The following CMYA5 variants were observed in gnomAD, a reference collection of about 807,000 sequenced individuals.
CMYA5 encodes cardiomyopathy-associated protein 5.
Under a neutral mutation model 318.9 loss-of-function variants are expected in CMYA5, and 246 were observed. That is an observed-to-expected ratio of 0.77 (90% confidence interval 0.70 to 0.86). The LOEUF is 0.86. Ranked by LOEUF, CMYA5 falls within the 40% of genes least tolerant of loss-of-function variation. The pLI is 0.00. For missense variants in CMYA5, 4,589 were observed against 4,678.2 expected, an observed-to-expected ratio of 0.98 and a Z score of 0.56; for synonymous variants, 1,641 against 1,729.5, an observed-to-expected ratio of 0.95 and a Z score of 1.27.
In CMYA5 at chr5:79,743,915, C is replaced by T. The variant is rs755722728; in HGVS notation, c.10727C>T (p.Thr3576Ile). 4 of 1,511,742 alleles carry T rather than the reference C, an allele frequency of 2.6e-6. No individual in the cohort carries two copies. In the South Asian group the frequency reaches 5.0e-5, roughly 19 times the overall value. 93.6% of individuals were successfully genotyped at this position (1,511,742 alleles called of 1,614,324 possible). A position where few individuals can be genotyped will look rare whatever the true frequency, so the allele number is the denominator to read the frequency against. Residue 3576 changes from threonine to isoleucine, a missense_variant, in exon 3 of 13, where the codon ACC (threonine) becomes ATC (isoleucine). Physicochemically the swap from Thr to Ile is moderately conservative, Grantham distance 89. This residue lies in a region of CMYA5 where 2,431 missense variants were observed against 2,495.1 expected (regional missense o/e 0.97). Transcript: ENST00000446378. ...AGTGAGATAGAATCCTTTTTTAATA[C>T]CATTGAGGTAAGTTAACACACCCAT... ...FVSEIESFFN[T>I]IEENCSKNEK...
intron 9 of CMYA5, among the ~76,000 whole-genome samples, chr5:79,765,128 C>T (rs925659852): frequency 2.6e-5 from 4 of 152,128 alleles, no homozygotes; most frequent in African/African-American, 4.8e-5. Context: ...TTAGGTCTTA[C>T]GTTTAAGTCT....
In CMYA5 at chr5:79,726,909, ATTTTTT is replaced by A. The variant is rs34198193; in HGVS notation, c.150-1988_150-1983del. On this transcript the variant is annotated intron_variant, in intron 1 of 12. Transcript: ENST00000446378. ...AGAGCTAGGATTGTTTAGGCCAGTGATTTTTTTTTTTTTTTTTTTTTTTGAGACGGA... is the reference window on the plus strand; with the variant it reads ...AGAGCTAGGATTGTTTAGGCCAGTGATTTTTTTTTTTTTTTTTGAGACGGA... Among the ~76,000 whole-genome samples the A allele has an allele frequency of 1.1e-3, 108 of 96,042 alleles. 3 individuals carry two copies. The highest frequency in any genetic ancestry group is 5.5e-3 in the African/African-American group (106 of 19,250). 63.0% of individuals were successfully genotyped at this position (96,042 alleles called of 152,430 possible).
At position 79,732,659 on chromosome 5, in the gene CMYA5, A is replaced by C. The variant is rs1580769105; in HGVS notation, c.3894A>C (p.Ala1298=). ...TSLSGPEALS[A]VKMEMKHDSK... Reference sequence around the variant, plus strand: ...TATCTGGACCTGAGGCTTTATCAGCAGTGAAAATGGAGATGAAACATGATT... The same window carrying C: ...TATCTGGACCTGAGGCTTTATCAGCCGTGAAAATGGAGATGAAACATGATT... Residue 1298 remains alanine (A), a synonymous_variant, in exon 2 of 13, where the codon GCA becomes GCC. Transcript: ENST00000446378. 1 of 1,613,544 alleles carries C rather than the reference A, an allele frequency of 6.2e-7. No individual in the cohort carries two copies. The highest frequency in any genetic ancestry group is 1.3e-5 in the African/African-American group (1 of 75,040).
chr5:79,752,873 C>T, intron 6 of CMYA5, 79 bp downstream of exon 6: 4 of 976,040 alleles, frequency 4.1e-6, no homozygotes, highest in South Asian at 1.5e-5. Context: ...ATGATATATA[C>T]AAAAGATTTT....
intron 1 of CMYA5, among the ~76,000 whole-genome samples, chr5:79,726,461 AG>A (rs1441933948): frequency 6.6e-6 from 1 of 152,240 alleles, no homozygotes; most frequent in African/African-American, 2.4e-5. Context: ...GATTCTGTTC[AG>A]GACCAAGATA....
rs1451994586 is a variant in CMYA5 at position 79,742,072 on chromosome 5, TTC to T, written c.10639-1753_10639-1752del. The stretch of plus-strand genomic sequence containing the variant: ...CCTCTTCTTCTTCTTCTTCTTCTTC[TTC>T]TTCTTCTTCTTCTTCTTCTTCTTCT... On this transcript the variant is annotated intron_variant, in intron 2 of 12. Transcript: ENST00000446378. Among the ~76,000 whole-genome samples the T allele has an allele frequency of 1.1e-3, 48 of 45,032 alleles. 3 individuals carry two copies. Among genetic ancestry groups the T allele is most frequent in the African/African-American group, 0.01 (42 of 4,022 alleles). The allele number at this position is 45,032 out of a possible 152,430, so 29.5% of individuals were successfully genotyped here.
intron 1 of CMYA5, among the ~76,000 whole-genome samples, chr5:79,715,153 T>C (rs1452067768): frequency 3.9e-5 from 6 of 152,162 alleles, no homozygotes; most frequent in African/African-American, 1.4e-4. Context: ...TAGAACAGTG[T>C]GGTCCATGGT....
chr5:79,704,925 C>G (rs976311395), intron 1 of CMYA5, among the ~76,000 whole-genome samples: 5 of 152,182 alleles, frequency 3.3e-5, no homozygotes, highest in Non-Finnish European at 5.9e-5. Context: ...AGAGTTTGTT[C>G]CTTACCACCA....
In CMYA5 at chr5:79,736,759, A is replaced by G. The variant is rs1168428795; in HGVS notation, c.7994A>G (p.Asp2665Gly). 3 of 1,613,352 alleles carry G rather than the reference A, an allele frequency of 1.9e-6. No homozygotes were observed. The Admixed American group carries it at 5.0e-5, about 27-fold the overall frequency. The stretch of plus-strand genomic sequence containing the variant: ...CTAGTATTAGAAAAGTCAAGCAGAG[A>G]TATGCCAGATCACAGTGAAGAAAAA... ...GNLVLEKSSR[D>G]MPDHSEEKEQ... The change falls in exon 2 of 13, where the codon GAT becomes GGT. Residue 2665 changes from aspartate (D) to glycine (G), a missense_variant. Coordinates refer to ENST00000446378, the MANE Select transcript of CMYA5 (RefSeq NM_153610.5).
At chr5:79,777,298 A>T (rs933724951) in intron 9 of CMYA5, among the ~76,000 whole-genome samples, 2 of 152,218 alleles carry the variant, frequency 1.3e-5, no homozygotes, top group Non-Finnish European at 2.9e-5. Context: ...CCTCCCCAGA[A>T]GCAATTACTG....
intron 1 of CMYA5, among the ~76,000 whole-genome samples, chr5:79,714,164 A>T (rs995303698): frequency 1.3e-4 from 20 of 152,148 alleles, no homozygotes; most frequent in African/African-American, 4.8e-4. Flanking sequence ...AAGGTGCCCC[A>T]AAGAATAGCC....
Position 79,735,895 on chromosome 5 carries a change from C to A in CMYA5, c.7130C>A (p.Ser2377Ter). 1 of 1,587,012 alleles carries A rather than the reference C, an allele frequency of 6.3e-7. No individual in the cohort carries two copies. Among genetic ancestry groups the A allele is most frequent in the Non-Finnish European group, 8.5e-7 (1 of 1,172,204 alleles). ...RSDQKQKSLL[S>*]FDVVDKVPQQ... ...GATCAAAAACAAAAATCACTCCTTT[C>A]ATTTGATGTAGTAGATAAGGTGCCA... The change falls in exon 2 of 13, where the codon TCA (serine) becomes TAA (stop). Residue 2377 changes from serine (S) to a stop codon, truncating the protein, a stop_gained. Coordinates refer to ENST00000446378, the MANE Select transcript of CMYA5 (RefSeq NM_153610.5). LOFTEE classifies it high-confidence loss of function.
intron 10 of CMYA5, among the ~76,000 whole-genome samples, chr5:79,790,173 C>T (rs73773438): frequency 6.6e-6 from 1 of 151,924 alleles, no homozygotes; most frequent in Non-Finnish European, 1.5e-5. Context: ...AGAGAAGATG[C>T]GAGGGCTGTC....
At chr5:79,791,150 C>T (rs77117813) in intron 11 of CMYA5, 81 bp downstream of exon 11, 32,621 of 860,102 alleles carry the variant, frequency 0.038, 757 homozygotes, top group Non-Finnish European at 0.047. Flanking sequence ...GTGGCCTCCG[C>T]TGAGCATATT....
rs1829340728 is a variant in CMYA5, at chr5:79,799,750, T to C, written c.*134T>C. On this transcript the variant is annotated 3_prime_UTR_variant, in exon 13 of 13. Transcript: ENST00000446378. ...CTAATGATGGCTGCATGCATAGCAA[T>C]CAGCATGTGAGCAAAATCGACAAGA... 8.2e-7 allele frequency: 1 copy of C among 1,221,462 alleles called. No individual in the cohort carries two copies. The highest frequency in any genetic ancestry group is 2.9e-5 in the Admixed American group (1 of 35,058). The allele number at this position is 1,221,462 out of a possible 1,614,324, so 75.7% of individuals were successfully genotyped here. A position where few individuals can be genotyped will look rare whatever the true frequency, so the allele number is the denominator to read the frequency against.
chr5:79,791,170 G>C (rs762735345), intron 11 of CMYA5, 101 bp downstream of exon 11: 17 of 732,310 alleles, frequency 2.3e-5, no homozygotes, highest in Middle Eastern at 3.6e-4. Context: ...TCATGGTGCA[G>C]TGAACATGTC....
In CMYA5 at chr5:79,763,073, C is replaced by G; in HGVS notation, c.11419C>G (p.Pro3807Ala). The part of the protein sequence containing the change: ...RAIFRTAPST[P>A]VIRAEDCTVC... ...CTCTCTTTCTGCAGCACCCTCCACC[C>G]CTGTGATCCGCGCTGAGGACTGTAC... Residue 3807 changes from proline (P) to alanine (A), a missense_variant, in exon 9 of 13, where the codon CCT (proline) becomes GCT (alanine). Transcript: ENST00000446378. The G allele has an allele frequency of 6.2e-7, 1 of 1,613,696 alleles. No individual in the cohort carries two copies. Among genetic ancestry groups the G allele is most frequent in the Non-Finnish European group, 8.5e-7 (1 of 1,179,722 alleles).
intron 1 of CMYA5, among the ~76,000 whole-genome samples, chr5:79,704,987 T>C (rs1827243748): frequency 6.6e-6 from 1 of 152,216 alleles, no homozygotes; most frequent in Non-Finnish European, 1.5e-5. Context: ...AACATTTTTC[T>C]CCTGGCTTGG....
chr5:79,797,097 C>T (rs1475106854), intron 12 of CMYA5, among the ~76,000 whole-genome samples: 5 of 152,204 alleles, frequency 3.3e-5, no homozygotes, highest in Non-Finnish European at 5.9e-5. Context: ...ACTACAGCTC[C>T]CATTTTCTCC....
Sources: gnomAD v4.1 joint callset for allele counts (sites outside exome capture counted in the v4.1 genomes callset) on GRCh38, gnomAD v4.1.1 for gene constraint, gnomAD v4.1.1 regional missense constraint, MANE v1.5 for transcripts, NCBI Gene and HGNC (gene_info 2026-07-23, HGNC 2026-07-21) for gene names.